The following PARD3B variants were observed in gnomAD, a reference collection of about 807,000 sequenced individuals.
The protein encoded by PARD3B is par-3 family cell polarity regulator beta, also known as partitioning defective 3 homolog B.
Under a neutral mutation model 130.2 loss-of-function variants are expected in PARD3B, and 103 were observed. That is an observed-to-expected ratio of 0.79 (90% CI 0.67 to 0.93). The LOEUF is 0.93. PARD3B is among the 40% of genes least tolerant of loss of function. The probability of loss-of-function intolerance (pLI) is 0.00; values close to 1 mark genes in which losing one functional copy is unlikely to be tolerated. For synonymous variants in PARD3B, 583 were observed against 553.2 expected, an observed-to-expected ratio of 1.05 and a Z score of -0.76; for missense variants, 1,609 against 1,499.2, an observed-to-expected ratio of 1.07 and a Z score of -1.21.
chr2:204,744,377 G>A (rs1399515060), intron 2 of PARD3B, among the ~76,000 whole-genome samples: 2 of 152,026 alleles, frequency 1.3e-5, no homozygotes, highest in East Asian at 3.9e-4. Context: ...CCAAAATTTG[G>A]GGTTTTAATT....
At chr2:204,813,916 C>G (rs2043054010) in intron 2 of PARD3B, among the ~76,000 whole-genome samples, 1 of 151,706 alleles carries the variant, frequency 6.6e-6, no homozygotes, top group Non-Finnish European at 1.5e-5. Flanking sequence ...GGCCCTTTAA[C>G]TTTGTTTCTT....
chr2:204,805,681 T>C (rs950536319), intron 2 of PARD3B, among the ~76,000 whole-genome samples: 11 of 152,056 alleles, frequency 7.2e-5, no homozygotes, highest in African/African-American at 2.2e-4. Flanking sequence ...GCAAACTGAA[T>C]TGAACAGCAC....
At chr2:204,972,736 T>A (rs1262176735) in intron 3 of PARD3B, among the ~76,000 whole-genome samples, 4 of 152,202 alleles carry the variant, frequency 2.6e-5, no homozygotes, top group African/African-American at 7.2e-5. Context: ...GAGTTCACCA[T>A]CTCCCCTTTG....
chr2:204,632,599 A>G (rs1351482534), intron 1 of PARD3B, among the ~76,000 whole-genome samples: 4 of 152,112 alleles, frequency 2.6e-5, no homozygotes, highest in Non-Finnish European at 4.4e-5. Flanking sequence ...GGGTTTTGCC[A>G]GTACCTGCAG....
At chr2:204,882,132 G>T (rs1575204654) in intron 2 of PARD3B, among the ~76,000 whole-genome samples, 1 of 152,090 alleles carries the variant, frequency 6.6e-6, no homozygotes. Context: ...GCTACCTTTG[G>T]AATACAATCA....
chr2:204,881,339 A>G (rs1223495916), intron 2 of PARD3B, among the ~76,000 whole-genome samples: 1 of 147,834 alleles, frequency 6.8e-6, no homozygotes, highest in African/African-American at 2.5e-5. Context: ...AATACAGAGT[A>G]TATCAACAAA....
At chr2:205,085,344 G>A (rs908676347) in intron 4 of PARD3B, among the ~76,000 whole-genome samples, 1 of 151,986 alleles carries the variant, frequency 6.6e-6, no homozygotes, top group African/African-American at 2.4e-5. Context: ...CTAAAGGTAA[G>A]AGACATTCAG....
At chr2:205,597,337 T>C (rs2054607905) in intron 22 of PARD3B, among the ~76,000 whole-genome samples, 1 of 152,200 alleles carries the variant, frequency 6.6e-6, no homozygotes, top group African/African-American at 2.4e-5. Flanking sequence ...GCATCCATGT[T>C]GCTTCAAAGG....
In PARD3B at chr2:205,568,902, A is replaced by G. The variant is rs1469199473; in HGVS notation, c.3260+15499A>G. Among the ~76,000 whole-genome samples the G allele has an allele frequency of 6.6e-6, 1 of 152,202 alleles. No individual in the cohort carries two copies. The highest frequency in any genetic ancestry group is 1.9e-4 in the East Asian group (1 of 5,196). The stretch of plus-strand genomic sequence containing the variant: ...CTTCTTAGAACAAAAAGTATGTGTC[A>G]TAAGTCAAACAGGCTACAGGATAAA... On this transcript the variant is annotated intron_variant, in intron 22 of 22. Coordinates refer to ENST00000406610, the MANE Select transcript of PARD3B (RefSeq NM_001302769.2). This position sits in a 1 kb window ranked among gnomAD's most constrained non-coding sequence, Gnocchi z 5.3.
At position 204,927,819 on chromosome 2, in the gene PARD3B, CGTAG is replaced by C. The variant is rs373830790; in HGVS notation, c.223-37317_223-37314del. 2.2e-3 allele frequency among the ~76,000 whole-genome samples: 325 copies of C among 150,608 alleles called. 3 individuals are homozygous for C. Among genetic ancestry groups the C allele is most frequent in the African/African-American group, 7.7e-3 (317 of 40,934 alleles). On this transcript the variant is annotated intron_variant, in intron 2 of 22. Coordinates refer to ENST00000406610, the MANE Select transcript of PARD3B (RefSeq NM_001302769.2). ...AGCAGAGCATTTAGATAGATAGCTA[CGTAG>C]GTAGGTAGGTAGGTACGTAGGTAGG...
At chr2:205,593,656 G>A (rs2054469394) in intron 22 of PARD3B, among the ~76,000 whole-genome samples, 1 of 152,184 alleles carries the variant, frequency 6.6e-6, no homozygotes, top group African/African-American at 2.4e-5. Flanking sequence ...ATGGAACAAG[G>A]AGGTAAATTA....
At chr2:204,586,963 T>C (rs2032853418) in intron 1 of PARD3B, among the ~76,000 whole-genome samples, 2 of 152,112 alleles carry the variant, frequency 1.3e-5, no homozygotes, top group South Asian at 4.1e-4. Flanking sequence ...TCCAGAAAAA[T>C]CTAATGATTT....
intron 21 of PARD3B, among the ~76,000 whole-genome samples, chr2:205,538,153 A>G (rs1005946017): frequency 3.3e-5 from 5 of 152,344 alleles, no homozygotes; most frequent in African/African-American, 1.2e-4. Flanking sequence ...GAGAAGGAAA[A>G]ACAAAAACAC....
chr2:205,564,220 G>T lies in PARD3B; in HGVS notation c.3260+10817G>T, dbSNP rs548789690. On this transcript the variant is annotated intron_variant, in intron 22 of 22. Coordinates refer to ENST00000406610, the MANE Select transcript of PARD3B (RefSeq NM_001302769.2). The surrounding 1 kb of genome is among the most constrained non-coding windows in gnomAD (Gnocchi z 4.6). ...TCTGGTACTAGGCTGGTTGTAAACA[G>T]GTAGGAGAGACACATTACGTGACCA... Among the ~76,000 whole-genome samples the T allele has an allele frequency of 6.6e-6, 1 of 152,254 alleles. No individual in the cohort carries two copies. The highest frequency in any genetic ancestry group is 2.1e-4 in the South Asian group (1 of 4,816).
At chr2:204,756,001 A>G (rs1310004011) in intron 2 of PARD3B, among the ~76,000 whole-genome samples, 1 of 152,100 alleles carries the variant, frequency 6.6e-6, no homozygotes, top group African/African-American at 2.4e-5. Flanking sequence ...ATACTTGTCT[A>G]TCTTCTGCTT....
At chr2:204,770,719 T>G (rs933622869) in intron 2 of PARD3B, among the ~76,000 whole-genome samples, 1 of 152,016 alleles carries the variant, frequency 6.6e-6, no homozygotes. Context: ...CCACTACTCA[T>G]ACCTACTGAC....
intron 1 of PARD3B, among the ~76,000 whole-genome samples, chr2:204,584,624 T>C (rs867151913): frequency 6.6e-6 from 1 of 152,216 alleles, no homozygotes; most frequent in Non-Finnish European, 1.5e-5. Flanking sequence ...GTCTGGCTTC[T>C]ACTCCTAGAC....
chr2:204,582,261 T>C (rs1462425890), intron 1 of PARD3B, among the ~76,000 whole-genome samples: 2 of 152,222 alleles, frequency 1.3e-5, no homozygotes, highest in African/African-American at 4.8e-5. Context: ...CATAAATTCA[T>C]GTCTACCTAG....
intron 21 of PARD3B, 34 bp downstream of exon 21, chr2:205,500,065 A>T (rs201278243): frequency 2.5e-6 from 4 of 1,607,508 alleles, no homozygotes; most frequent in Middle Eastern, 3.4e-4. Context: ...CGTTGAATTC[A>T]TCTTTTCTAA....
Sources: gnomAD v4.1 joint callset for allele counts (sites outside exome capture counted in the v4.1 genomes callset) on GRCh38, gnomAD v4.1.1 for gene constraint, Gnocchi (gnomAD v3.1) non-coding constraint, MANE v1.5 for transcripts, NCBI Gene and HGNC (gene_info 2026-07-23, HGNC 2026-07-21) for gene names.